Variants in BCL2L11 observed in about 807,000 individuals in gnomAD.
The protein encoded by BCL2L11 is BCL2 like 11.
A neutral mutation model predicts 20.6 loss-of-function variants in BCL2L11; 15 were observed. That is an observed-to-expected ratio of 0.73 (90% CI 0.49 to 1.12). The LOEUF is 1.12. Among genes scored for constraint, BCL2L11 ranks in the 50% most tolerant of loss-of-function variants. The pLI is 0.00. For missense variants in BCL2L11, 292 were observed against 260.9 expected, an observed-to-expected ratio of 1.12 and a Z score of -0.82; for synonymous variants, 108 against 92.8, an observed-to-expected ratio of 1.16 and a Z score of -0.94.
chr2:111,150,713 T>C (rs2077143912), intron 3 of BCL2L11, among the ~76,000 whole-genome samples: 1 of 152,236 alleles, frequency 6.6e-6, no homozygotes. Flanking sequence ...ATTTGGGCTG[T>C]AAAAACTTTA....
chr2:111,160,349 C>T (rs958937771), intron 3 of BCL2L11, among the ~76,000 whole-genome samples: 3 of 152,144 alleles, frequency 2.0e-5, no homozygotes, highest in Non-Finnish European at 2.9e-5. Flanking sequence ...TTTGTGCTGG[C>T]GACACAGCTA....
At chr2:111,122,844 G>A (rs1483175077) in intron 1 of BCL2L11, 15 of 985,348 alleles carry the variant, frequency 1.5e-5, no homozygotes, top group Non-Finnish European at 1.8e-5. Context: ...GGGGGCGCCC[G>A]GTCGGCGAAG....
chr2:111,161,538 G>T, intron 3 of BCL2L11: 1 of 1,546,926 alleles, frequency 6.5e-7, no homozygotes. Context: ...GGCTGCTGAT[G>T]ATCCGCTTAT....
At chr2:111,126,327 C>G (rs1389384283) in intron 2 of BCL2L11, among the ~76,000 whole-genome samples, 1 of 152,080 alleles carries the variant, frequency 6.6e-6, no homozygotes, top group Non-Finnish European at 1.5e-5. Flanking sequence ...TAATTATGCA[C>G]AGCTAATGGT....
intron 1 of BCL2L11, 46 bp from the exon 2 acceptor site, chr2:111,123,687 T>A: frequency 1.4e-6 from 1 of 703,798 alleles, no homozygotes; most frequent in Non-Finnish European, 1.9e-6. Flanking sequence ...TATTCATCGA[T>A]TTTTTTTTTT....
chr2:111,155,960 C>T (rs898282278), intron 3 of BCL2L11, among the ~76,000 whole-genome samples: 4 of 152,318 alleles, frequency 2.6e-5, no homozygotes, highest in Admixed American at 2.0e-4. Flanking sequence ...AAGAATTTAA[C>T]GTGTCATTAC....
At chr2:111,152,304 A>G (rs2077350862) in intron 3 of BCL2L11, among the ~76,000 whole-genome samples, 1 of 152,196 alleles carries the variant, frequency 6.6e-6, no homozygotes, top group Admixed American at 6.5e-5. Context: ...GCCTGAGAGA[A>G]AGAGGTGGCA....
At chr2:111,156,706 G>A (rs1468240608) in intron 3 of BCL2L11, among the ~76,000 whole-genome samples, 3 of 152,162 alleles carry the variant, frequency 2.0e-5, no homozygotes, top group Non-Finnish European at 4.4e-5. Context: ...GAAGTGTGGG[G>A]ACTTTGGGGT....
chr2:111,141,560 T>C (rs2075821911), intron 2 of BCL2L11, among the ~76,000 whole-genome samples: 2 of 150,712 alleles, frequency 1.3e-5, no homozygotes, highest in African/African-American at 2.4e-5. Flanking sequence ...ATATACCTAA[T>C]GCTAGATGAC....
intron 3 of BCL2L11, chr2:111,151,897 A>G (rs1323829317): frequency 8.4e-6 from 13 of 1,542,298 alleles, no homozygotes; most frequent in Non-Finnish European, 1.1e-5. Context: ...TGAAATGGTA[A>G]TTTTTTTGGA....
chr2:111,162,008 T>C (rs188341107), intron 3 of BCL2L11, among the ~76,000 whole-genome samples: 73 of 152,306 alleles, frequency 4.8e-4, no homozygotes, highest in African/African-American at 1.7e-3. Context: ...TGCCCCAGTT[T>C]AGTGTCACCA....
intron 3 of BCL2L11, among the ~76,000 whole-genome samples, chr2:111,161,951 A>G (rs1208604406): frequency 6.6e-6 from 1 of 152,200 alleles, no homozygotes; most frequent in African/African-American, 2.4e-5. Flanking sequence ...GCGTTGAGCC[A>G]TCAGTCCTAG....
chr2:111,157,809 T>G (rs1402461894), intron 3 of BCL2L11, among the ~76,000 whole-genome samples: 1 of 152,240 alleles, frequency 6.6e-6, no homozygotes, highest in African/African-American at 2.4e-5. Flanking sequence ...TTTATCTGAC[T>G]TCTGAAGACC....
intron 3 of BCL2L11, among the ~76,000 whole-genome samples, chr2:111,161,251 A>G (rs1243336902): frequency 6.6e-6 from 1 of 152,234 alleles, no homozygotes; most frequent in Non-Finnish European, 1.5e-5. Context: ...AGTTCAGCCC[A>G]TAAAGAGGAA....
Position 111,123,913 on chromosome 2 carries a change from C to G in BCL2L11, c.168C>G (p.Pro56=). Residue 56 remains proline (P), a synonymous_variant, in exon 2 of 4, where the codon CCC becomes CCG. Transcript: ENST00000393256. ...GNHGGEGDSC[P]HGSPQGPLAP... ...ACGGAGGTGAAGGGGACAGCTGCCC[C>G]CACGGCAGCCCTCAGGGCCCGCTGG... 6.8e-6 allele frequency: 11 copies of G among 1,613,288 alleles called. No homozygotes were observed. The highest frequency in any genetic ancestry group is 9.3e-6 in the Non-Finnish European group (11 of 1,179,586).
At position 111,164,442 on chromosome 2, in the gene BCL2L11, A is replaced by G. The variant is rs1304850883; in HGVS notation, c.*211A>G. On this transcript the variant is annotated 3_prime_UTR_variant, in exon 4 of 4. Transcript: ENST00000393256. The stretch of plus-strand genomic sequence containing the variant: ...AATTTCTAATGGAAGTTTGTTGTGA[A>G]TGTAAAGGAGGGAGCATTCTTTGCT... The G allele has an allele frequency of 1.5e-5, 7 of 482,240 alleles. No individual in the cohort carries two copies. Among genetic ancestry groups the G allele is most frequent in the Non-Finnish European group, 2.6e-5 (7 of 267,942 alleles). The allele number at this position is 482,240 out of a possible 1,614,324, so 29.9% of individuals were successfully genotyped here.
chr2:111,167,364 A>G lies in BCL2L11; in HGVS notation c.*3133A>G. On this transcript the variant is annotated 3_prime_UTR_variant, in exon 4 of 4. Coordinates refer to ENST00000393256, the MANE Select transcript of BCL2L11 (RefSeq NM_138621.5). ...AGAAACTCAGTCTGGCAGGCTACAAAATTCTACTCCAAGAAATACCCAGCA... is the reference window on the plus strand; with the variant it reads ...AGAAACTCAGTCTGGCAGGCTACAAGATTCTACTCCAAGAAATACCCAGCA... 1 of 152,250 alleles carries G rather than the reference A, an allele frequency of 6.6e-6. No homozygotes were observed. Among genetic ancestry groups the G allele is most frequent in the South Asian group, 2.1e-4 (1 of 4,830 alleles). The allele number at this position is 152,250 out of a possible 1,614,324, so 9.4% of individuals were successfully genotyped here. A position where few individuals can be genotyped will look rare whatever the true frequency, so the allele number is the denominator to read the frequency against.
intron 3 of BCL2L11, chr2:111,161,697 C>A: frequency 1.9e-6 from 2 of 1,029,746 alleles, no homozygotes; most frequent in Non-Finnish European, 2.7e-6. Context: ...CCTGACTTTC[C>A]AATTCCATCT....
intron 3 of BCL2L11, among the ~76,000 whole-genome samples, chr2:111,158,537 T>C (rs989854817): frequency 2.0e-5 from 3 of 150,836 alleles, no homozygotes; most frequent in Admixed American, 6.6e-5. Context: ...TTATATATAA[T>C]GTATAATAAT....
Sources: gnomAD v4.1 joint callset for allele counts (sites outside exome capture counted in the v4.1 genomes callset) on GRCh38, gnomAD v4.1.1 for gene constraint, MANE v1.5 for transcripts, NCBI Gene and HGNC (gene_info 2026-07-23, HGNC 2026-07-21) for gene names.